BCAP31: variants seen among roughly 807,000 people sequenced by gnomAD.
The protein encoded by BCAP31 is B-cell receptor-associated protein 31.
For missense variants in BCAP31, 124 were observed against 193.0 expected, an observed-to-expected ratio of 0.64 and a Z score of 2.12; for synonymous variants, 75 against 80.9, an observed-to-expected ratio of 0.93 and a Z score of 0.39.
chrX:153,700,835 A>G lies in BCAP31; in HGVS notation c.*102T>C. 2.4e-6 allele frequency: 2 copies of G among 836,326 alleles called. No individual in the cohort carries two copies. Among genetic ancestry groups the G allele is most frequent in the Non-Finnish European group, 3.5e-6 (2 of 573,421 alleles). The allele number at this position is 836,326 out of a possible 1,213,427, so 68.9% of individuals were successfully genotyped here. On this transcript the variant is annotated 3_prime_UTR_variant, in exon 8 of 8. Coordinates refer to ENST00000345046, the MANE Select transcript of BCAP31 (RefSeq NM_001256447.2). Reference sequence around the variant, plus strand: ...CTGTGGAAGGGAATGGGGGAAGCAGAAGGGCACAAACAGAAGTACTGGAGG... The same window carrying G: ...CTGTGGAAGGGAATGGGGGAAGCAGGAGGGCACAAACAGAAGTACTGGAGG...
intron 4 of BCAP31, among the ~76,000 whole-genome samples, chrX:153,707,547 A>C (rs2091563174): frequency 9.0e-6 from 1 of 111,612 alleles, no homozygotes; most frequent in Non-Finnish European, 1.9e-5. Context: ...GCCTGGCACC[A>C]AGAGGGGCAG....
Position 153,715,653 on chromosome X carries a change from G to A in BCAP31, c.230C>T (p.Thr77Met), listed in dbSNP as rs782018233. 7 of 1,209,779 alleles carry A rather than the reference G, an allele frequency of 5.8e-6. No homozygotes were observed. The highest frequency in any genetic ancestry group is 7.8e-6 in the Non-Finnish European group (7 of 895,084). ...ATTGTTCTGGAGGTTCACCTTTTCC[G>A]TCACATCATCATACTTCCGAATTTC... The part of the protein sequence containing the change: ...VREIRKYDDV[T>M]EKVNLQNNPG... Residue 77 changes from threonine (T) to methionine (M), a missense_variant, in exon 4 of 8, where the codon ACG (threonine) becomes ATG (methionine). Thr to Met is a moderately conservative substitution (Grantham distance 81, BLOSUM62 -1). Transcript: ENST00000345046.
intron 4 of BCAP31, among the ~76,000 whole-genome samples, chrX:153,711,929 G>GAAAGAA (rs1394495287): frequency 3.9e-5 from 4 of 103,828 alleles, no homozygotes; most frequent in Non-Finnish European, 8.0e-5. Context: ...AAGAAAGAAA[G>GAAAGAA]AAAGAAAAAG....
chrX:153,704,489 A>C (rs2091541204), intron 4 of BCAP31, among the ~76,000 whole-genome samples: 1 of 112,317 alleles, frequency 8.9e-6, no homozygotes, highest in Non-Finnish European at 1.9e-5. Context: ...GAGAGAAGCT[A>C]ATCAATCCAA....
At position 153,700,709 on chromosome X, in the gene BCAP31, C is replaced by A. The variant is rs1277124294; in HGVS notation, c.*228G>T. 5.4e-6 allele frequency: 2 copies of A among 369,885 alleles called. No homozygotes were observed. Among genetic ancestry groups the A allele is most frequent in the Non-Finnish European group, 4.7e-6 (1 of 214,685 alleles). 30.5% of individuals were successfully genotyped at this position (369,885 alleles called of 1,213,427 possible). A position where few individuals can be genotyped will look rare whatever the true frequency, so the allele number is the denominator to read the frequency against. ...CAAGGCTGTGCCAGGCCTGGCCAGG[C>A]CAAGCAGGATGACAGCAAACGCATT... On this transcript the variant is annotated 3_prime_UTR_variant, in exon 8 of 8. Transcript: ENST00000345046.
rs781818890 is a variant in BCAP31 at position 153,723,278 on chromosome X, G to C, written c.-34C>G. ...TAGAAGGTTTCCCACAGGAAGATGT[G>C]AGCTTGTTTCCTGGCAGGGCACAAA... On this transcript the variant is annotated 5_prime_UTR_variant, in exon 2 of 8. Transcript: ENST00000345046. 1.7e-6 allele frequency: 2 copies of C among 1,200,416 alleles called. No individual in the cohort carries two copies. Among genetic ancestry groups the C allele is most frequent in the Non-Finnish European group, 2.2e-6 (2 of 889,449 alleles).
At chrX:153,719,234 G>A (rs1208175123) in intron 3 of BCAP31, among the ~76,000 whole-genome samples, 1 of 111,308 alleles carries the variant, frequency 9.0e-6, no homozygotes, top group Non-Finnish European at 1.9e-5. Flanking sequence ...CCTCAGCATG[G>A]TCCCTCCCCT....
chrX:153,719,397 C>T lies in BCAP31; in HGVS notation c.193+1475G>A, dbSNP rs2066379536. ...AACCCTGGTTAGAAAGAGCTACTAC[C>T]TCTTGGGGCCTTGCCAAGTATTTCA... is the stretch of plus-strand genomic sequence containing the variant. On this transcript the variant is annotated intron_variant, in intron 3 of 7. Transcript: ENST00000345046. 6.2e-5 allele frequency among the ~76,000 whole-genome samples: 7 copies of T among 112,371 alleles called. 1 individual carries two copies. In the Admixed American group the frequency reaches 6.6e-4, roughly 11 times the overall value.
At chrX:153,710,582 G>A (rs1219471796) in intron 4 of BCAP31, among the ~76,000 whole-genome samples, 1 of 112,100 alleles carries the variant, frequency 8.9e-6, no homozygotes, top group Non-Finnish European at 1.9e-5. Context: ...CAAAAGCTCA[G>A]AAGGCTTTGG....
chrX:153,707,383 A>C (rs782718329), intron 4 of BCAP31, among the ~76,000 whole-genome samples: 1 of 107,309 alleles, frequency 9.3e-6, no homozygotes, highest in Non-Finnish European at 1.9e-5. Context: ...AAAAAAAAAA[A>C]GGGGGGGAGG....
chrX:153,707,496 G>A (rs2091562923), intron 4 of BCAP31, among the ~76,000 whole-genome samples: 1 of 111,567 alleles, frequency 9.0e-6, no homozygotes, highest in Non-Finnish European at 1.9e-5. Flanking sequence ...AGGCTGGACA[G>A]AATCTCCCTG....
intron 6 of BCAP31, 133 bp downstream of exon 6, chrX:153,702,802 G>T: frequency 1.1e-6 from 1 of 937,105 alleles, no homozygotes; most frequent in Non-Finnish European, 1.5e-6. Flanking sequence ...GGGTGCTATT[G>T]GTCTGTTTTC....
chrX:153,710,062 C>T (rs1351787722), intron 4 of BCAP31, among the ~76,000 whole-genome samples: 3 of 112,291 alleles, frequency 2.7e-5, no homozygotes, highest in Admixed American at 9.3e-5. Context: ...GGGGGTGTTC[C>T]GCACAGAGGT....
At chrX:153,723,869 G>A in intron 1 of BCAP31, 1 of 561,537 alleles carries the variant, frequency 1.8e-6, no homozygotes, top group Non-Finnish European at 3.0e-6. Flanking sequence ...GGGCCGCTTC[G>A]CCTCCGGTGG....
chrX:153,712,074 T>G (rs1172058633), intron 4 of BCAP31, among the ~76,000 whole-genome samples: 1 of 111,279 alleles, frequency 9.0e-6, no homozygotes, highest in East Asian at 2.8e-4. Context: ...GAAACAGAGC[T>G]GCAGGCTCGA....
chrX:153,713,027 G>T (rs2091603180), intron 4 of BCAP31, among the ~76,000 whole-genome samples: 1 of 111,513 alleles, frequency 9.0e-6, no homozygotes, highest in Admixed American at 9.5e-5. Flanking sequence ...CCAACATGGT[G>T]AAACCCCGTC....
In BCAP31 at chrX:153,712,115, C is replaced by G. The variant is rs1189131487; in HGVS notation, c.341+3427G>C. Among the ~76,000 whole-genome samples, 3 of 110,364 alleles carry G rather than the reference C, an allele frequency of 2.7e-5. No individual in the cohort carries two copies. In the Admixed American group the frequency reaches 2.9e-4, roughly 11 times the overall value. ...ACCAATGAGGAATTGGGTAGACACT[C>G]AAGAACACTCAAGAACGCTGGAGAG... On this transcript the variant is annotated intron_variant, in intron 4 of 7. Transcript: ENST00000345046.
intron 4 of BCAP31, among the ~76,000 whole-genome samples, chrX:153,711,929 GAAAGAA>G (rs1394495287): frequency 4.7e-4 from 49 of 103,847 alleles, no homozygotes; most frequent in Non-Finnish European, 8.4e-4. Context: ...AAGAAAGAAA[GAAAGAA>G]AAAGAAAAAG....
At chrX:153,703,124 T>G (rs1310531076) in intron 5 of BCAP31, 66 bp from the exon 6 acceptor site, 10 of 1,176,964 alleles carry the variant, frequency 8.5e-6, no homozygotes, top group Non-Finnish European at 1.0e-5. Flanking sequence ...AGCCCCATCC[T>G]CCCCACCGAG....
Sources: gnomAD v4.1 joint callset for allele counts (sites outside exome capture counted in the v4.1 genomes callset) on GRCh38, gnomAD v4.1.1 for gene constraint, MANE v1.5 for transcripts, NCBI Gene and HGNC (gene_info 2026-07-23, HGNC 2026-07-21) for gene names.